FAM168A: variants seen among roughly 807,000 people sequenced by gnomAD.
The protein encoded by FAM168A is protein FAM168A.
Under a neutral mutation model 28.5 loss-of-function variants are expected in FAM168A, and 3 were observed. The observed-to-expected ratio is 0.11, with a 90% CI of 0.05 to 0.27. The LOEUF (loss-of-function observed/expected upper bound fraction) is 0.27. FAM168A is among the 10% of genes least tolerant of loss of function. The pLI, the probability that FAM168A is intolerant of heterozygous loss-of-function variation, is 1.00. For synonymous variants in FAM168A, 122 were observed against 124.2 expected (o/e 0.98, Z 0.12); for missense variants, 222 against 311.5 (o/e 0.71, Z 2.16).
intron 2 of FAM168A, among the ~76,000 whole-genome samples, chr11:73,431,372 T>C (rs1276986284): frequency 1.4e-5 from 1 of 70,784 alleles, no homozygotes; most frequent in East Asian, 5.3e-4. Context: ...CCAAAAAAAA[T>C]GGAAGCAACA....
intron 3 of FAM168A, chr11:73,430,109 C>T (rs959085022): frequency 1.3e-5 from 2 of 156,916 alleles, no homozygotes; most frequent in Admixed American, 6.0e-5. Flanking sequence ...TGATCCAAGC[C>T]CAAAATGGAA....
chr11:73,497,702 T>C (rs1198805167), intron 1 of FAM168A, among the ~76,000 whole-genome samples: 2 of 150,952 alleles, frequency 1.3e-5, no homozygotes, highest in Admixed American at 1.3e-4. Context: ...AACTGAACAA[T>C]GAGAACACTT....
chr11:73,578,127 T>C (rs551523704), intron 1 of FAM168A, among the ~76,000 whole-genome samples: 1 of 152,344 alleles, frequency 6.6e-6, no homozygotes, highest in South Asian at 2.1e-4. Flanking sequence ...ACATTAATCC[T>C]AATCTTCTCC....
At chr11:73,597,157 C>A (rs575933792) in intron 1 of FAM168A, among the ~76,000 whole-genome samples, 2 of 152,196 alleles carry the variant, frequency 1.3e-5, no homozygotes, top group African/African-American at 2.4e-5. Context: ...CCCCTTCCTG[C>A]CAGCTCACCA....
chr11:73,449,263 C>G (rs147149414), intron 2 of FAM168A, among the ~76,000 whole-genome samples: 2 of 152,198 alleles, frequency 1.3e-5, no homozygotes, highest in African/African-American at 4.8e-5. Context: ...AGGCACCGCA[C>G]CTGGCCTAAG....
chr11:73,596,840 C>T (rs941029668), intron 1 of FAM168A, among the ~76,000 whole-genome samples: 2 of 152,134 alleles, frequency 1.3e-5, no homozygotes, highest in African/African-American at 4.8e-5. Context: ...TGCCACCTCA[C>T]CATCAGCAAC....
intron 6 of FAM168A, among the ~76,000 whole-genome samples, chr11:73,408,828 G>A (rs1866555353): frequency 6.7e-6 from 1 of 149,972 alleles, no homozygotes; most frequent in African/African-American, 2.4e-5. Flanking sequence ...TTCTGCTTTT[G>A]TCATCCCTCA....
At chr11:73,513,262 T>C (rs182224489) in intron 1 of FAM168A, among the ~76,000 whole-genome samples, 1,979 of 143,434 alleles carry the variant, frequency 0.014, 14 homozygotes, top group Middle Eastern at 0.038. Context: ...CAGGCTGGAG[T>C]GCAGTGGCGC....
chr11:73,481,321 C>T (rs1292777477), intron 1 of FAM168A, among the ~76,000 whole-genome samples: 1 of 152,232 alleles, frequency 6.6e-6, no homozygotes, highest in Non-Finnish European at 1.5e-5. Context: ...CCATCCCTGA[C>T]TGTAAACCCC....
chr11:73,472,878 C>T (rs900410798), intron 1 of FAM168A, among the ~76,000 whole-genome samples: 1 of 152,076 alleles, frequency 6.6e-6, no homozygotes, highest in African/African-American at 2.4e-5. Context: ...GGGTGAAGAA[C>T]AGAAATCTGG....
In FAM168A at chr11:73,495,559, G is replaced by C. The variant is rs530292598; in HGVS notation, c.-18-27067C>G. On this transcript the variant is annotated intron_variant, in intron 1 of 7. Coordinates refer to ENST00000356467, the MANE Select transcript of FAM168A (RefSeq NM_015159.3). ...CATGGGAGCGAATCAGATGGATAGG[G>C]GTACTATTTAAGACATAGAGTTTTA... is the stretch of plus-strand genomic sequence containing the variant. 3.3e-5 allele frequency among the ~76,000 whole-genome samples: 5 copies of C among 152,126 alleles called. No homozygotes were observed. The East Asian group carries it at 9.6e-4, about 29-fold the overall frequency.
intron 1 of FAM168A, among the ~76,000 whole-genome samples, chr11:73,569,665 T>C (rs1219023343): frequency 2.0e-5 from 3 of 151,766 alleles, no homozygotes; most frequent in Admixed American, 6.6e-5. Flanking sequence ...CTACTAAAAA[T>C]ACAAAAATTA....
At chr11:73,527,375 T>A (rs1214971550) in intron 1 of FAM168A, among the ~76,000 whole-genome samples, 1 of 152,088 alleles carries the variant, frequency 6.6e-6, no homozygotes, top group Non-Finnish European at 1.5e-5. Flanking sequence ...CCACAGGAAA[T>A]AACTACCTTT....
intron 1 of FAM168A, among the ~76,000 whole-genome samples, chr11:73,479,872 T>A (rs1867944648): frequency 6.6e-6 from 1 of 152,236 alleles, no homozygotes; most frequent in African/African-American, 2.4e-5. Flanking sequence ...AACAGTTTAC[T>A]GGAATTCAAC....
chr11:73,484,189 A>G (rs568793729), intron 1 of FAM168A, among the ~76,000 whole-genome samples: 8 of 152,252 alleles, frequency 5.3e-5, no homozygotes, highest in Non-Finnish European at 1.0e-4. Flanking sequence ...AACTGTTAAC[A>G]TCTTTAATTT....
intron 1 of FAM168A, among the ~76,000 whole-genome samples, chr11:73,560,571 C>T (rs1943946464): frequency 6.6e-6 from 1 of 152,172 alleles, no homozygotes; most frequent in African/African-American, 2.4e-5. Flanking sequence ...GGCTATCAAC[C>T]TGCCATGTGC....
At chr11:73,546,401 G>A (rs944144021) in intron 1 of FAM168A, among the ~76,000 whole-genome samples, 1 of 152,194 alleles carries the variant, frequency 6.6e-6, no homozygotes, top group African/African-American at 2.4e-5. Flanking sequence ...AAATAAGACA[G>A]CTTCTCAATA....
intron 2 of FAM168A, among the ~76,000 whole-genome samples, chr11:73,457,115 C>T (rs970610827): frequency 2.6e-5 from 4 of 152,136 alleles, no homozygotes; most frequent in Non-Finnish European, 5.9e-5. Flanking sequence ...GAGCCAAGTA[C>T]AATGGCTCAT....
chr11:73,416,910 G>C (rs1028384871), intron 4 of FAM168A, among the ~76,000 whole-genome samples: 1 of 151,978 alleles, frequency 6.6e-6, no homozygotes, highest in Non-Finnish European at 1.5e-5. Flanking sequence ...TGTGCCACTG[G>C]ACTCCAGCCT....
Sources: gnomAD v4.1 joint callset for allele counts (sites outside exome capture counted in the v4.1 genomes callset) on GRCh38, gnomAD v4.1.1 for gene constraint, MANE v1.5 for transcripts, NCBI Gene and HGNC (gene_info 2026-07-23, HGNC 2026-07-21) for gene names.